Variants in ANO6 observed in about 807,000 individuals in gnomAD.
ANO6 encodes the protein anoctamin 6.
In ANO6, 106 loss-of-function variants were observed where a neutral mutation model predicts 117.5. The observed-to-expected ratio is 0.90, with a 90% CI of 0.77 to 1.06. The LOEUF (loss-of-function observed/expected upper bound fraction) is 1.06, where lower values mean the gene tolerates loss of function less well. Among genes scored for constraint, ANO6 ranks in the 50% least tolerant of loss-of-function variants. The pLI, the probability that ANO6 is intolerant of heterozygous loss-of-function variation, is 0.00. For synonymous variants in ANO6, 367 were observed against 385.1 expected (o/e 0.95, Z 0.55); for missense variants, 955 against 1,121.1 (o/e 0.85, Z 2.12).
chr12:45,421,012 T>G, intron 17 of ANO6, 59 bp from the exon 18 acceptor site: 1 of 1,562,286 alleles, frequency 6.4e-7, no homozygotes, highest in Non-Finnish European at 8.8e-7. Context: ...AGAGCGAGAC[T>G]CCGTCTCAAA....
At chr12:45,398,520 T>C (rs1261506204) in intron 12 of ANO6, among the ~76,000 whole-genome samples, 1 of 152,190 alleles carries the variant, frequency 6.6e-6, no homozygotes, top group Non-Finnish European at 1.5e-5. Flanking sequence ...ATTTAGCTCT[T>C]AGGACTTTCA....
chr12:45,218,058 T>C (rs1004361950), intron 1 of ANO6, among the ~76,000 whole-genome samples: 1 of 152,200 alleles, frequency 6.6e-6, no homozygotes, highest in Non-Finnish European at 1.5e-5. Context: ...AGTAAGCTCT[T>C]TTTATTTTTA....
chr12:45,279,745 T>C (rs1042788672), intron 1 of ANO6, among the ~76,000 whole-genome samples: 2 of 152,372 alleles, frequency 1.3e-5, no homozygotes, highest in Middle Eastern at 3.4e-3. Flanking sequence ...TTAAAAATGA[T>C]TTTAAGATCT....
At chr12:45,302,179 A>G in intron 2 of ANO6, 86 bp downstream of exon 2, 1 of 1,155,026 alleles carries the variant, frequency 8.7e-7, no homozygotes, top group Admixed American at 1.7e-5. Flanking sequence ...TTATGAATTC[A>G]TTCCTTCAAT....
At chr12:45,334,405 C>T (rs543937726) in intron 3 of ANO6, among the ~76,000 whole-genome samples, 28 of 152,120 alleles carry the variant, frequency 1.8e-4, no homozygotes, top group African/African-American at 5.8e-4. Context: ...GCTCTGCCAT[C>T]CTCAATATTT....
At chr12:45,247,546 G>C (rs926687543) in intron 1 of ANO6, among the ~76,000 whole-genome samples, 13 of 152,280 alleles carry the variant, frequency 8.5e-5, no homozygotes, top group African/African-American at 3.1e-4. Context: ...ATCTTAGTCG[G>C]CTAGGTCTGC....
intron 19 of ANO6, among the ~76,000 whole-genome samples, chr12:45,427,264 C>A (rs997319426): frequency 5.3e-5 from 8 of 152,134 alleles, no homozygotes; most frequent in Admixed American, 3.3e-4. Flanking sequence ...CTCTCTCACT[C>A]AGAGTCAGAG....
At chr12:45,219,928 T>A (rs1463174998) in intron 1 of ANO6, among the ~76,000 whole-genome samples, 1 of 152,166 alleles carries the variant, frequency 6.6e-6, no homozygotes, top group Non-Finnish European at 1.5e-5. Flanking sequence ...CTGGTGGAGA[T>A]CACATATTGT....
intron 1 of ANO6, among the ~76,000 whole-genome samples, chr12:45,259,479 A>G (rs1294736490): frequency 6.6e-6 from 1 of 152,208 alleles, no homozygotes; most frequent in East Asian, 1.9e-4. Context: ...TGTAGAGGAT[A>G]GAAACTGATG....
chr12:45,382,848 C>A (rs987480269), intron 10 of ANO6, among the ~76,000 whole-genome samples: 1 of 152,162 alleles, frequency 6.6e-6, no homozygotes, highest in African/African-American at 2.4e-5. Context: ...AATCTTTTTG[C>A]TGTGAGAGGG....
chr12:45,347,231 G>A, intron 4 of ANO6, 144 bp downstream of exon 4: 3 of 764,728 alleles, frequency 3.9e-6, no homozygotes, highest in Non-Finnish European at 6.8e-6. Context: ...ATCAAAATCT[G>A]CATTGTGTAG....
At chr12:45,320,773 A>C (rs138135589) in intron 2 of ANO6, among the ~76,000 whole-genome samples, 8,097 of 152,144 alleles carry the variant, frequency 0.053, 513 homozygotes, top group East Asian at 0.34. Flanking sequence ...GTAGGTCTCT[A>C]AGGACTTGCT....
At chr12:45,337,350 T>C (rs1177985336) in intron 3 of ANO6, among the ~76,000 whole-genome samples, 1 of 152,122 alleles carries the variant, frequency 6.6e-6, no homozygotes, top group African/African-American at 2.4e-5. Context: ...TACAGCTGCC[T>C]GTGGTGTTCA....
At chr12:45,257,680 CCTGGACTGTGGCCATCTCT>C (rs1937884880) in intron 1 of ANO6, among the ~76,000 whole-genome samples, 1 of 152,230 alleles carries the variant, frequency 6.6e-6, no homozygotes, top group Non-Finnish European at 1.5e-5. Flanking sequence ...TTGTGTCTCA[CCTGGACTGTGGCCATCTCT>C]CTTAGTTTGT....
At chr12:45,411,594 A>G (rs1010041396) in intron 16 of ANO6, among the ~76,000 whole-genome samples, 2 of 152,104 alleles carry the variant, frequency 1.3e-5, no homozygotes, top group African/African-American at 4.8e-5. Context: ...CCTCCTTCCC[A>G]TTTCCCCATA....
intron 1 of ANO6, among the ~76,000 whole-genome samples, chr12:45,251,864 A>C (rs1213152709): frequency 6.6e-6 from 1 of 152,204 alleles, no homozygotes; most frequent in Non-Finnish European, 1.5e-5. Flanking sequence ...TGACAAGTTG[A>C]AAAGACAGCC....
chr12:45,426,659 C>T (rs1943510438), intron 19 of ANO6, among the ~76,000 whole-genome samples: 1 of 151,964 alleles, frequency 6.6e-6, no homozygotes, highest in South Asian at 2.1e-4. Context: ...CATCACTTGC[C>T]CCTGGAAACT....
At chr12:45,393,854 A>G (rs1334112251) in intron 12 of ANO6, among the ~76,000 whole-genome samples, 3 of 152,222 alleles carry the variant, frequency 2.0e-5, no homozygotes, top group African/African-American at 4.8e-5. Flanking sequence ...AGCACTAAAC[A>G]TGGAAAGGAA....
intron 1 of ANO6, among the ~76,000 whole-genome samples, chr12:45,283,743 A>G (rs1005056742): frequency 1.2e-4 from 18 of 152,012 alleles, no homozygotes; most frequent in Admixed American, 1.1e-3. Flanking sequence ...AGCATTTCTC[A>G]TCTTCCTTTC....
Sources: allele counts gnomAD v4.1 joint callset (sites outside exome capture counted in the v4.1 genomes callset), GRCh38; gene constraint gnomAD v4.1.1; transcripts MANE v1.5; gene names NCBI Gene and HGNC (gene_info 2026-07-23, HGNC 2026-07-21).